The following KIF1B variants were observed in gnomAD, a reference collection of about 807,000 sequenced individuals.
KIF1B encodes the protein kinesin family member 1B, also known as kinesin-like protein KIF1B.
In KIF1B, 76 loss-of-function variants were observed where a neutral mutation model predicts 241.9. That is an observed-to-expected ratio of 0.31 (90% CI 0.26 to 0.38). KIF1B has a LOEUF of 0.38. Among genes scored for constraint, KIF1B ranks in the 10% least tolerant of loss-of-function variants. KIF1B has a pLI of 1.00. For synonymous variants in KIF1B, 750 were observed against 796.7 expected, an observed-to-expected ratio of 0.94 and a Z score of 0.99; for missense variants, 1,622 against 2,271.4, an observed-to-expected ratio of 0.71 and a Z score of 5.81.
At chr1:10,275,608 A>C (rs908181287) in intron 11 of KIF1B, 105 bp downstream of exon 11, 2 of 781,888 alleles carry the variant, frequency 2.6e-6, no homozygotes, top group Non-Finnish European at 4.6e-6. Context: ...CTAGATATTC[A>C]TGTTACTACT....
rs1216181271 is a variant in KIF1B, at chr1:10,342,825, AG to A, written c.3633-406del. On this transcript the variant is annotated intron_variant, in intron 33 of 48. Coordinates refer to ENST00000676179, the MANE Select transcript of KIF1B (RefSeq NM_001365951.3). Reference sequence around the variant, plus strand: ...TACACTGCAAATAGTCATTACAAAAAGTTTTTTTTCTTTTAAATAAATTCAC... The same window carrying A: ...TACACTGCAAATAGTCATTACAAAAATTTTTTTTCTTTTAAATAAATTCAC... 2.6e-5 allele frequency among the ~76,000 whole-genome samples: 4 copies of A among 152,338 alleles called. No individual in the cohort carries two copies. The South Asian group carries it at 8.3e-4, about 32-fold the overall frequency.
chr1:10,281,851 G>A (rs149863863), intron 14 of KIF1B, among the ~76,000 whole-genome samples: 5 of 152,202 alleles, frequency 3.3e-5, no homozygotes, highest in South Asian at 4.1e-4. Context: ...TGAATTACAC[G>A]TAACACTGAG....
rs199712779 is a variant in KIF1B at position 10,370,587 on chromosome 1, T to TAAGAAG, written c.4825-552_4825-551insGAAGAA. 4.5e-3 allele frequency among the ~76,000 whole-genome samples: 610 copies of TAAGAAG among 135,418 alleles called. 4 individuals carry two copies. The highest frequency in any genetic ancestry group is 0.013 in the African/African-American group (439 of 32,972). The allele number at this position is 135,418 out of a possible 152,430, so 88.8% of individuals were successfully genotyped here. On this transcript the variant is annotated intron_variant, in intron 44 of 48. Coordinates refer to ENST00000676179, the MANE Select transcript of KIF1B (RefSeq NM_001365951.3). ...TCGAAAAAGAAAATAATAATAATAA[T>TAAGAAG]AATAATAAGAAGAAGAAGAAGAAGA...
In KIF1B at chr1:10,303,913, G is replaced by A. The variant is rs746698844; in HGVS notation, c.2115+6667G>A. On this transcript the variant is annotated intron_variant, in intron 22 of 48. Transcript: ENST00000676179. The surrounding 1 kb of genome is among the most constrained non-coding windows in gnomAD (Gnocchi z 5.2). ...AGAACGTGTTTCCCAGCTGATGAATGGGGATCCAGCTTTTAGACGTGGACG... is the reference window on the plus strand; with the variant it reads ...AGAACGTGTTTCCCAGCTGATGAATAGGGATCCAGCTTTTAGACGTGGACG... The A allele has an allele frequency of 6.2e-6, 10 of 1,614,064 alleles. No individual in the cohort carries two copies. Among genetic ancestry groups the A allele is most frequent in the Non-Finnish European group, 8.5e-6 (10 of 1,180,042 alleles).
chr1:10,345,822 C>G, intron 34 of KIF1B, 23 bp from the exon 35 acceptor site: 1 of 1,582,222 alleles, frequency 6.3e-7, no homozygotes. Context: ...CAGATTTTGA[C>G]ATACTCTAAA....
chr1:10,274,923 A>G, intron 10 of KIF1B: 1 of 395,138 alleles, frequency 2.5e-6, no homozygotes, highest in Admixed American at 3.4e-5. Flanking sequence ...AGTAAGAAAA[A>G]GGATAAAAAA....
At chr1:10,212,608 TG>T (rs1646706904) in intron 1 of KIF1B, among the ~76,000 whole-genome samples, 2 of 152,124 alleles carry the variant, frequency 1.3e-5, no homozygotes, top group African/African-American at 4.8e-5. Context: ...TTGGGATGGG[TG>T]TGGTGGCTCA....
At chr1:10,299,115 C>T (rs1417103488) in intron 22 of KIF1B, 4 of 144,460 alleles carry the variant, frequency 2.8e-5, no homozygotes, top group Admixed American at 1.4e-4. Context: ...CAAAACAAAA[C>T]AAGACAAACA....
chr1:10,226,789 A>C (rs1646913685), intron 1 of KIF1B, among the ~76,000 whole-genome samples: 1 of 151,860 alleles, frequency 6.6e-6, no homozygotes, highest in Non-Finnish European at 1.5e-5. Context: ...CAACATAGCG[A>C]AACCCCGTCC....
chr1:10,295,634 T>C, intron 18 of KIF1B, 26 bp from the exon 19 acceptor site: 3 of 1,602,262 alleles, frequency 1.9e-6, no homozygotes, highest in Non-Finnish European at 2.6e-6. Flanking sequence ...TGAATTTCCC[T>C]GGGAAACACT....
intron 5 of KIF1B, among the ~76,000 whole-genome samples, 172 bp from the exon 6 acceptor site, chr1:10,267,208 G>A (rs1235943547): frequency 6.6e-6 from 1 of 151,984 alleles, no homozygotes; most frequent in Non-Finnish European, 1.5e-5. Flanking sequence ...TGGTAGAGAC[G>A]GGATTTCACC....
At chr1:10,304,727 G>T in intron 22 of KIF1B, 1 of 1,578,746 alleles carries the variant, frequency 6.3e-7, no homozygotes, top group Non-Finnish European at 8.6e-7. Context: ...TTCTACCTTT[G>T]GCCTTGAGTT....
intron 2 of KIF1B, 127 bp from the exon 3 acceptor site, chr1:10,256,120 G>T (rs1647766418): frequency 1.4e-6 from 1 of 695,816 alleles, no homozygotes. Context: ...ATTAATTTTT[G>T]ATTGCCCTAT....
At chr1:10,242,618 A>T (rs1258712400) in intron 2 of KIF1B, among the ~76,000 whole-genome samples, 1 of 152,002 alleles carries the variant, frequency 6.6e-6, no homozygotes, top group Non-Finnish European at 1.5e-5. Flanking sequence ...CTGGGTTCAA[A>T]CAATTCTCCT....
At chr1:10,359,394 G>C (rs1224785314) in intron 38 of KIF1B, among the ~76,000 whole-genome samples, 1 of 152,070 alleles carries the variant, frequency 6.6e-6, no homozygotes, top group Non-Finnish European at 1.5e-5. Flanking sequence ...TTGTCATAGG[G>C]GTCTGAGAAG....
chr1:10,300,318 C>T (rs923107046), intron 22 of KIF1B, among the ~76,000 whole-genome samples: 1 of 150,340 alleles, frequency 6.7e-6, no homozygotes, highest in Admixed American at 6.6e-5. Flanking sequence ...GGATTTATAT[C>T]ACATAAACTT....
chr1:10,284,238 C>CA (rs1210497232), intron 15 of KIF1B, among the ~76,000 whole-genome samples: 2 of 151,524 alleles, frequency 1.3e-5, no homozygotes, highest in Non-Finnish European at 2.9e-5. Flanking sequence ...GACTCTATCT[C>CA]AAAAAAACAT....
chr1:10,322,337 T>A (rs1048840161), intron 24 of KIF1B, among the ~76,000 whole-genome samples: 2 of 152,096 alleles, frequency 1.3e-5, no homozygotes, highest in Non-Finnish European at 2.9e-5. Context: ...GTGGTGTTGA[T>A]CCCCCTAGCC....
chr1:10,274,901 CT>C, intron 10 of KIF1B: 3 of 390,940 alleles, frequency 7.7e-6, no homozygotes, highest in South Asian at 3.7e-5. Context: ...AAAACATGAC[CT>C]TTTCCTTCAC....
Sources: gnomAD v4.1 joint callset for allele counts (sites outside exome capture counted in the v4.1 genomes callset) on GRCh38, gnomAD v4.1.1 for gene constraint, Gnocchi (gnomAD v3.1) non-coding constraint, MANE v1.5 for transcripts, NCBI Gene and HGNC (gene_info 2026-07-23, HGNC 2026-07-21) for gene names.